Variants in IGFL2 observed in about 807,000 individuals in gnomAD.
IGFL2 encodes insulin growth factor-like family member 2.
A neutral mutation model predicts 13.9 loss-of-function variants in IGFL2; 7 were observed. That is an observed-to-expected ratio of 0.51 (90% confidence interval 0.29 to 0.95). The LOEUF is 0.95. Ranked by LOEUF, IGFL2 falls within the 40% of genes least tolerant of loss-of-function variation. The pLI is 0.08. For missense variants in IGFL2, 138 were observed against 147.8 expected, an observed-to-expected ratio of 0.93 and a Z score of 0.34; for synonymous variants, 55 against 55.8, an observed-to-expected ratio of 0.99 and a Z score of 0.07.
the IGFL2 span, among the ~76,000 whole-genome samples, chr19:46,122,946 G>T: frequency 6.6e-6 from 1 of 150,610 alleles, no homozygotes; most frequent in Middle Eastern, 3.2e-3. Context: ...GGGTTATGAT[G>T]AACATTATTA....
chr19:46,105,548 G>A, the IGFL2 span, among the ~76,000 whole-genome samples: 3 of 152,172 alleles, frequency 2.0e-5, no homozygotes, highest in South Asian at 6.2e-4. Flanking sequence ...TGGGGTATCA[G>A]GAATAATGTG....
chr19:46,088,768 G>A, the IGFL2 span, among the ~76,000 whole-genome samples: 5 of 152,164 alleles, frequency 3.3e-5, no homozygotes, highest in Admixed American at 6.5e-5. Flanking sequence ...GAGCTCTTCT[G>A]GAGTGATCAT....
chr19:46,187,992 T>C, the IGFL2 span, among the ~76,000 whole-genome samples: 1 of 152,250 alleles, frequency 6.6e-6, no homozygotes, highest in African/African-American at 2.4e-5. Flanking sequence ...AACCCATTTG[T>C]ATCTGAGGTT....
At chr19:46,118,109 A>C in the IGFL2 span, among the ~76,000 whole-genome samples, 1 of 152,218 alleles carries the variant, frequency 6.6e-6, no homozygotes. Flanking sequence ...GGAGGCAATT[A>C]AAACAATAAA....
the IGFL2 span, among the ~76,000 whole-genome samples, chr19:46,193,274 C>T: frequency 6.6e-6 from 1 of 152,054 alleles, no homozygotes; most frequent in Non-Finnish European, 1.5e-5. Context: ...TGTGAAATGC[C>T]GTGTCGTCCC....
At chr19:46,146,242 G>T (rs564196763), upstream of IGFL2, among the ~76,000 whole-genome samples, 1 of 150,640 alleles carries the variant, frequency 6.6e-6, no homozygotes, top group African/African-American at 2.4e-5. Context: ...TTACATCTTT[G>T]CCAAAAGACA....
At chr19:46,094,651 G>A in the IGFL2 span, among the ~76,000 whole-genome samples, 4 of 151,866 alleles carry the variant, frequency 2.6e-5, no homozygotes, top group Admixed American at 6.6e-5. Flanking sequence ...CCCTGCATGC[G>A]TTAGCTATTT....
At chr19:46,172,727 A>T in the IGFL2 span, among the ~76,000 whole-genome samples, 314 of 151,920 alleles carry the variant, frequency 2.1e-3, 1 homozygote, top group East Asian at 8.5e-3. Flanking sequence ...ATATATATAT[A>T]TTTTTTTTCA....
At chr19:46,137,598 T>C in the IGFL2 span, 1 of 1,035,890 alleles carries the variant, frequency 9.7e-7, no homozygotes, top group African/African-American at 1.6e-5. Flanking sequence ...ATACCTTTCA[T>C]TGTTTCCATG....
the IGFL2 span, chr19:46,112,092 TGAA>T: frequency 6.6e-6 from 1 of 152,240 alleles, no homozygotes; most frequent in East Asian, 1.9e-4. Flanking sequence ...ATTCCTTTTA[TGAA>T]GAATTATCCC....
the IGFL2 span, among the ~76,000 whole-genome samples, chr19:46,175,586 G>A: frequency 3.9e-4 from 59 of 152,210 alleles, 1 homozygote; most frequent in African/African-American, 1.3e-3. Context: ...CACCCAGACT[G>A]GAGTGCAATG....
the IGFL2 span, among the ~76,000 whole-genome samples, chr19:46,123,508 C>T: frequency 6.6e-6 from 1 of 151,010 alleles, no homozygotes; most frequent in South Asian, 2.1e-4. Context: ...TTGTTCCCTG[C>T]ATATACATAT....
chr19:46,126,493 C>T, the IGFL2 span, among the ~76,000 whole-genome samples: 1 of 152,100 alleles, frequency 6.6e-6, no homozygotes, highest in South Asian at 2.1e-4. Context: ...TGTTGTTTTC[C>T]TTGTGCTAGG....
the IGFL2 span, among the ~76,000 whole-genome samples, chr19:46,135,499 A>G: frequency 6.6e-6 from 1 of 152,028 alleles, no homozygotes; most frequent in East Asian, 1.9e-4. Context: ...GGGAGAGAAG[A>G]GGGTTAGATA....
chr19:46,084,494 A>G, the IGFL2 span, among the ~76,000 whole-genome samples: 5,430 of 152,242 alleles, frequency 0.036, 141 homozygotes, highest in East Asian at 0.072. Context: ...CTACATTGCC[A>G]TAAAGAAATA....
the IGFL2 span, among the ~76,000 whole-genome samples, chr19:46,176,089 G>T: frequency 7.5e-6 from 1 of 134,228 alleles, no homozygotes; most frequent in African/African-American, 2.9e-5. Context: ...TCCTGACCTC[G>T]TGATCTGCCC....
chr19:46,207,283 G>C, the IGFL2 span: 1 of 152,132 alleles, frequency 6.6e-6, no homozygotes, highest in African/African-American at 2.4e-5. Flanking sequence ...CTTGGAAGTT[G>C]GTGGGTGATA....
the IGFL2 span, among the ~76,000 whole-genome samples, chr19:46,081,474 T>G: frequency 6.6e-6 from 1 of 152,330 alleles, no homozygotes; most frequent in African/African-American, 2.4e-5. Context: ...CGTGTCCGCT[T>G]TCTGGTCTAG....
At chr19:46,186,753 G>A in the IGFL2 span, among the ~76,000 whole-genome samples, 5 of 152,280 alleles carry the variant, frequency 3.3e-5, no homozygotes, top group Non-Finnish European at 5.9e-5. Flanking sequence ...CAAATTAGGC[G>A]TCTCTTTTCT....
Sources: allele counts gnomAD v4.1 joint callset (sites outside exome capture counted in the v4.1 genomes callset), GRCh38; gene constraint gnomAD v4.1.1; transcripts MANE v1.5; gene names NCBI Gene and HGNC (gene_info 2026-07-23, HGNC 2026-07-21).